KIAA0232: variants seen among roughly 807,000 people sequenced by gnomAD.
KIAA0232 encodes KIAA0232, also known as uncharacterized protein KIAA0232.
In KIAA0232, 27 loss-of-function variants were observed where a neutral mutation model predicts 122.0. The ratio of observed to expected loss-of-function variants is 0.22; its 90% confidence interval spans 0.16 to 0.31. KIAA0232 has a LOEUF of 0.31. Among genes scored for constraint, KIAA0232 ranks in the 10% least tolerant of loss-of-function variants. The probability of loss-of-function intolerance (pLI) is 1.00; values close to 1 mark genes in which losing one functional copy is unlikely to be tolerated. For missense variants in KIAA0232, 1,551 were observed against 1,634.2 expected (o/e 0.95, Z 0.88); for synonymous variants, 613 against 587.6 (o/e 1.04, Z -0.63).
chr4:6,782,879 C>G (rs1329628417), intron 1 of KIAA0232, 38 bp downstream of exon 1: 1 of 149,794 alleles, frequency 6.7e-6, no homozygotes, highest in Non-Finnish European at 1.5e-5. Context: ...GGGCGCGGAG[C>G]AGCCCCTCGG....
At chr4:6,838,381 GT>G (rs1277848706) in intron 3 of KIAA0232, among the ~76,000 whole-genome samples, 1 of 152,046 alleles carries the variant, frequency 6.6e-6, no homozygotes, top group African/African-American at 2.4e-5. Context: ...TGGAGACAGA[GT>G]TTCACAATGT....
Position 6,807,927 on chromosome 4 carries a change from G to A in KIAA0232, c.-270+3321G>A, listed in dbSNP as rs1346816387. 2.0e-5 allele frequency among the ~76,000 whole-genome samples: 3 copies of A among 152,244 alleles called. No individual in the cohort carries two copies. In the East Asian group the frequency reaches 5.8e-4, roughly 29 times the overall value. ...TACTAAAAATACAAAAATTAGCTAG[G>A]TGTGGTGATGTGCACCTGTAGTCCC... On this transcript the variant is annotated intron_variant, in intron 2 of 9. Coordinates refer to ENST00000307659, the MANE Select transcript of KIAA0232 (RefSeq NM_014743.3).
intron 6 of KIAA0232, 84 bp from the exon 7 acceptor site, chr4:6,860,817 C>A: frequency 2.6e-6 from 3 of 1,146,908 alleles, no homozygotes; most frequent in South Asian, 3.0e-5. Flanking sequence ...ATGAAATATT[C>A]CATTCTTCTG....
chr4:6,874,602 C>T (rs1721656330), intron 8 of KIAA0232, among the ~76,000 whole-genome samples: 1 of 152,170 alleles, frequency 6.6e-6, no homozygotes, highest in African/African-American at 2.4e-5. Flanking sequence ...ACAGAGAGTC[C>T]TGCAGGGAAG....
At chr4:6,795,365 C>G (rs1717085002) in intron 1 of KIAA0232, among the ~76,000 whole-genome samples, 2 of 152,204 alleles carry the variant, frequency 1.3e-5, no homozygotes, top group Non-Finnish European at 1.5e-5. Flanking sequence ...AGCCACCGCG[C>G]CCGGCCCACA....
intron 4 of KIAA0232, among the ~76,000 whole-genome samples, chr4:6,850,694 A>G (rs1420955982): frequency 2.7e-5 from 4 of 148,364 alleles, no homozygotes; most frequent in Non-Finnish European, 4.5e-5. Context: ...TTTTAGACGG[A>G]GTCTCGCTCT....
chr4:6,798,261 T>G (rs958182234), intron 1 of KIAA0232, among the ~76,000 whole-genome samples: 1 of 152,164 alleles, frequency 6.6e-6, no homozygotes, highest in African/African-American at 2.4e-5. Context: ...GCTTATGCTT[T>G]TTCATGTTGT....
intron 4 of KIAA0232, among the ~76,000 whole-genome samples, chr4:6,842,933 G>T (rs1472695286): frequency 6.6e-6 from 1 of 152,070 alleles, no homozygotes; most frequent in East Asian, 1.9e-4. Flanking sequence ...TGTTATGTGG[G>T]GTTTTTCAGT....
At chr4:6,795,008 C>T (rs1717066820) in intron 1 of KIAA0232, among the ~76,000 whole-genome samples, 1 of 152,170 alleles carries the variant, frequency 6.6e-6, no homozygotes, top group African/African-American at 2.4e-5. Context: ...TATTTATAAT[C>T]ATGGGACTAG....
At chr4:6,801,141 T>C (rs1717367529) in intron 1 of KIAA0232, among the ~76,000 whole-genome samples, 1 of 152,052 alleles carries the variant, frequency 6.6e-6, no homozygotes, top group Admixed American at 6.5e-5. Flanking sequence ...TAGAACTTTG[T>C]TTGATAATGG....
At chr4:6,794,610 G>A (rs1342352829) in intron 1 of KIAA0232, among the ~76,000 whole-genome samples, 1 of 152,206 alleles carries the variant, frequency 6.6e-6, no homozygotes, top group Admixed American at 6.5e-5. Flanking sequence ...GTTGACACTT[G>A]AGCAGAGACC....
In KIAA0232 at chr4:6,787,030, A is replaced by G. The variant is rs558935130; in HGVS notation, c.-354+4189A>G. Among the ~76,000 whole-genome samples, 3 of 151,908 alleles carry G rather than the reference A, an allele frequency of 2.0e-5. No homozygotes were observed. In the East Asian group the frequency reaches 5.8e-4, roughly 29 times the overall value. On this transcript the variant is annotated intron_variant, in intron 1 of 9. Transcript: ENST00000307659. ...ACCCCATCTCTACTAAAAATACAAA[A>G]ATTATCCGGGCATGGTGGAGCACGC...
chr4:6,851,609 A>G (rs978363097), intron 4 of KIAA0232, among the ~76,000 whole-genome samples: 7 of 150,708 alleles, frequency 4.6e-5, no homozygotes, highest in Admixed American at 6.6e-5. Context: ...GCTACTTGGG[A>G]GGCTGAGAAG....
intron 4 of KIAA0232, among the ~76,000 whole-genome samples, chr4:6,846,266 G>C (rs1719961892): frequency 6.6e-6 from 1 of 152,106 alleles, no homozygotes; most frequent in Admixed American, 6.5e-5. Context: ...CTGCTCCAGA[G>C]CTGTTGTTTG....
At chr4:6,838,189 CTTT>C (rs57836301) in intron 3 of KIAA0232, among the ~76,000 whole-genome samples, 72 of 126,002 alleles carry the variant, frequency 5.7e-4, no homozygotes, top group Middle Eastern at 4.2e-3. Context: ...ACAAAGATAG[CTTT>C]TTTTTTTTTT....
At chr4:6,847,698 AGGAAT>A (rs1720039884) in intron 4 of KIAA0232, among the ~76,000 whole-genome samples, 1 of 152,192 alleles carries the variant, frequency 6.6e-6, no homozygotes, top group South Asian at 2.1e-4. Context: ...GTCTGTAAAG[AGGAAT>A]GGTATTGTGA....
chr4:6,791,136 T>A (rs1235216274), intron 1 of KIAA0232, among the ~76,000 whole-genome samples: 3 of 151,296 alleles, frequency 2.0e-5, no homozygotes, highest in East Asian at 3.9e-4. Flanking sequence ...CCCAGGCTGG[T>A]CTCGAACTCC....
At chr4:6,805,534 C>T (rs1216479493) in intron 2 of KIAA0232, among the ~76,000 whole-genome samples, 3 of 152,114 alleles carry the variant, frequency 2.0e-5, no homozygotes, top group African/African-American at 7.2e-5. Context: ...AACTCACTGT[C>T]TTACCAGTGA....
At chr4:6,850,792 C>A (rs963454636) in intron 4 of KIAA0232, among the ~76,000 whole-genome samples, 14 of 152,212 alleles carry the variant, frequency 9.2e-5, no homozygotes, top group African/African-American at 2.9e-4. Flanking sequence ...GCCTCAGCCT[C>A]CCGAGTAGCT....
Sources: gnomAD v4.1 joint callset for allele counts (sites outside exome capture counted in the v4.1 genomes callset) on GRCh38, gnomAD v4.1.1 for gene constraint, MANE v1.5 for transcripts, NCBI Gene and HGNC (gene_info 2026-07-23, HGNC 2026-07-21) for gene names.